The following PKN2 variants were observed in gnomAD, a reference collection of about 807,000 sequenced individuals.
PKN2 encodes the protein serine/threonine-protein kinase N2.
Under a neutral mutation model 119.1 loss-of-function variants are expected in PKN2, and 38 were observed. The observed-to-expected ratio is 0.32, with a 90% CI of 0.25 to 0.42. The LOEUF is 0.42. Among genes scored for constraint, PKN2 ranks in the 10% least tolerant of loss-of-function variants. The probability of loss-of-function intolerance (pLI) is 1.00; values close to 1 mark genes in which losing one functional copy is unlikely to be tolerated. For missense variants in PKN2, 850 were observed against 1,165.1 expected, an observed-to-expected ratio of 0.73 and a Z score of 3.94; for synonymous variants, 390 against 384.9, an observed-to-expected ratio of 1.01 and a Z score of -0.15.
chr1:88,823,327 G>A (rs1672369456), intron 17 of PKN2, among the ~76,000 whole-genome samples: 1 of 152,188 alleles, frequency 6.6e-6, no homozygotes, highest in African/African-American at 2.4e-5. Context: ...TTCAGAAGAT[G>A]AAACCTGCCC....
chr1:88,808,705 A>G (rs139127666), intron 15 of PKN2, among the ~76,000 whole-genome samples: 2 of 152,226 alleles, frequency 1.3e-5, no homozygotes, highest in Non-Finnish European at 2.9e-5. Context: ...ATAATTAAAT[A>G]TGGACATTAT....
At chr1:88,755,211 C>T (rs566070457) in intron 2 of PKN2, among the ~76,000 whole-genome samples, 1 of 151,984 alleles carries the variant, frequency 6.6e-6, no homozygotes, top group South Asian at 2.1e-4. Flanking sequence ...AAATATGTTT[C>T]ACTATGAGAA....
chr1:88,730,196 C>T (rs1668089457), intron 1 of PKN2, among the ~76,000 whole-genome samples: 1 of 152,142 alleles, frequency 6.6e-6, no homozygotes, highest in Non-Finnish European at 1.5e-5. Context: ...TTTATATGGC[C>T]TACAGGGCCC....
At chr1:88,694,069 G>A (rs79767263) in intron 1 of PKN2, among the ~76,000 whole-genome samples, 2,941 of 152,262 alleles carry the variant, frequency 0.019, 91 homozygotes, top group African/African-American at 0.066. Flanking sequence ...ATGTACATAT[G>A]CATTATCGAC....
chr1:88,695,582 C>G (rs1255906218), intron 1 of PKN2, among the ~76,000 whole-genome samples: 1 of 152,210 alleles, frequency 6.6e-6, no homozygotes, highest in Non-Finnish European at 1.5e-5. Flanking sequence ...TTGTTCTCAG[C>G]ATATCACTCA....
intron 6 of PKN2, among the ~76,000 whole-genome samples, chr1:88,776,569 A>G (rs1670114454): frequency 6.6e-6 from 1 of 151,804 alleles, no homozygotes; most frequent in Non-Finnish European, 1.5e-5. Flanking sequence ...GTGAAACCCC[A>G]TCTATACTAA....
At chr1:88,714,101 GTAT>G (rs1426087018) in intron 1 of PKN2, among the ~76,000 whole-genome samples, 7 of 152,118 alleles carry the variant, frequency 4.6e-5, no homozygotes, top group African/African-American at 1.2e-4. Flanking sequence ...TAGATGGGTG[GTAT>G]TATTTCTGAG....
At chr1:88,730,500 A>G (rs1231169425) in intron 1 of PKN2, among the ~76,000 whole-genome samples, 1 of 152,198 alleles carries the variant, frequency 6.6e-6, no homozygotes, top group East Asian at 1.9e-4. Flanking sequence ...CATTCTTGGC[A>G]AATAGAAAAG....
chr1:88,805,414 A>T, intron 10 of PKN2, 83 bp from the exon 11 acceptor site: 1 of 1,203,874 alleles, frequency 8.3e-7, no homozygotes, highest in African/African-American at 1.5e-5. Context: ...ATTATAAACT[A>T]ATGGATAAGA....
Position 88,834,968 on chromosome 1 carries a change from CTATT to C in PKN2, c.*1523_*1526del, listed in dbSNP as rs975574571. ...CTGTTAAGTAACCATACTGAATTAACTATTTAATTACAGTGAGCTCATCTCTTAA... is the reference window on the plus strand; with the variant it reads ...CTGTTAAGTAACCATACTGAATTAACTAATTACAGTGAGCTCATCTCTTAA... On this transcript the variant is annotated 3_prime_UTR_variant, in exon 22 of 22. Coordinates refer to ENST00000370521, the MANE Select transcript of PKN2 (RefSeq NM_006256.4). The C allele has an allele frequency of 1.3e-5, 2 of 152,372 alleles. No individual in the cohort carries two copies. Among genetic ancestry groups the C allele is most frequent in the Non-Finnish European group, 2.9e-5 (2 of 67,910 alleles). 9.4% of individuals were successfully genotyped at this position (152,372 alleles called of 1,614,324 possible).
chr1:88,783,443 G>T (rs572337956), intron 6 of PKN2, among the ~76,000 whole-genome samples: 25 of 151,122 alleles, frequency 1.7e-4, no homozygotes, highest in African/African-American at 6.2e-4. Context: ...ATCACTATTC[G>T]TCTTTAACCT....
chr1:88,803,635 C>T (rs1358549783), intron 8 of PKN2, among the ~76,000 whole-genome samples: 19 of 152,132 alleles, frequency 1.2e-4, no homozygotes, highest in Admixed American at 1.2e-3. Flanking sequence ...AAATATATTT[C>T]GCCACATAAG....
At chr1:88,795,249 A>G (rs1570642654) in intron 8 of PKN2, among the ~76,000 whole-genome samples, 1 of 152,116 alleles carries the variant, frequency 6.6e-6, no homozygotes, top group Non-Finnish European at 1.5e-5. Flanking sequence ...ACAGTCTATG[A>G]TCATTCAAGT....
rs751105288 is a variant in PKN2, at chr1:88,741,290, TA to T, written c.349+3del. ...TATCAGATCCAGAAGATATTACAGG[TA>T]TAGTAGTGCTTTATTTGATGTTTAT... On this transcript the variant is annotated splice_donor_region_variant and intron_variant, in intron 2 of 21. Transcript: ENST00000370521. 6.6e-7 allele frequency: 1 copy of T among 1,522,088 alleles called. No homozygotes were observed. The highest frequency in any genetic ancestry group is 2.3e-5 in the East Asian group (1 of 43,584). The allele number at this position is 1,522,088 out of a possible 1,614,324, so 94.3% of individuals were successfully genotyped here.
intron 3 of PKN2, 148 bp from the exon 4 acceptor site, chr1:88,770,204 G>T: frequency 4.3e-6 from 2 of 464,296 alleles, no homozygotes; most frequent in African/African-American, 1.9e-5. Context: ...TTTAGTAAAT[G>T]TATCTATAAG....
Position 88,722,791 on chromosome 1 carries a change from A to G in PKN2, c.49-18197A>G, listed in dbSNP as rs372341441. On this transcript the variant is annotated intron_variant, in intron 1 of 21. Coordinates refer to ENST00000370521, the MANE Select transcript of PKN2 (RefSeq NM_006256.4). Reference sequence around the variant, plus strand: ...GTGCAAGACCCTGTCTCAAAATAAAAAAAAAAAAAAGAAACGAAAAAAATT... The same window carrying G: ...GTGCAAGACCCTGTCTCAAAATAAAGAAAAAAAAAAGAAACGAAAAAAATT... Among the ~76,000 whole-genome samples the G allele has an allele frequency of 1.2e-3, 188 of 151,764 alleles. 5 individuals are homozygous for G. The South Asian group carries it at 0.038, about 31-fold the overall frequency.
At chr1:88,795,980 G>A (rs552587716) in intron 8 of PKN2, among the ~76,000 whole-genome samples, 8 of 152,256 alleles carry the variant, frequency 5.3e-5, no homozygotes, top group African/African-American at 9.6e-5. Flanking sequence ...ACTTGCTCAC[G>A]GTCACAGAAC....
intron 2 of PKN2, among the ~76,000 whole-genome samples, chr1:88,755,395 G>C (rs1237780949): frequency 6.6e-6 from 1 of 152,134 alleles, no homozygotes; most frequent in Non-Finnish European, 1.5e-5. Context: ...GGGAAAAAAA[G>C]TGAACTTTAT....
intron 8 of PKN2, among the ~76,000 whole-genome samples, chr1:88,803,230 C>T (rs1275533799): frequency 1.3e-5 from 2 of 152,110 alleles, no homozygotes; most frequent in Admixed American, 6.5e-5. Context: ...GTGAAACCCT[C>T]TGGCACATTG....
Sources: gnomAD v4.1 joint callset for allele counts (sites outside exome capture counted in the v4.1 genomes callset) on GRCh38, gnomAD v4.1.1 for gene constraint, MANE v1.5 for transcripts, NCBI Gene and HGNC (gene_info 2026-07-23, HGNC 2026-07-21) for gene names.